CSMD1: variants seen among roughly 807,000 people sequenced by gnomAD.
CSMD1 encodes the protein CUB and Sushi multiple domains 1, also known as CUB and sushi domain-containing protein 1.
CSMD1 carries 213 observed loss-of-function variants against 417.5 expected under a neutral mutation model. The observed-to-expected ratio is 0.51, with a 90% CI of 0.46 to 0.57. The LOEUF is 0.57. Ranked by LOEUF, CSMD1 falls within the 20% of genes least tolerant of loss-of-function variation. CSMD1 has a pLI of 0.00. For synonymous variants in CSMD1, 2,862 were observed against 1,736.8 expected (o/e 1.65, Z -16.11); for missense variants, 6,923 against 4,529.7 (o/e 1.53, Z -15.17).
At chr8:3,974,127 T>C (rs1813260347) in intron 5 of CSMD1, among the ~76,000 whole-genome samples, 1 of 152,150 alleles carries the variant, frequency 6.6e-6, no homozygotes, top group Admixed American at 6.5e-5. Context: ...ACATAATAGG[T>C]AGTTTTGTGT....
chr8:3,926,154 G>T (rs114668965), intron 5 of CSMD1, among the ~76,000 whole-genome samples: 4,181 of 140,630 alleles, frequency 0.03, 252 homozygotes, highest in African/African-American at 0.1. Flanking sequence ...ATAGGTGGGG[G>T]TTTATGTATA....
chr8:3,162,846 C>G (rs1819982984), intron 37 of CSMD1, among the ~76,000 whole-genome samples: 1 of 152,130 alleles, frequency 6.6e-6, no homozygotes, highest in Non-Finnish European at 1.5e-5. Flanking sequence ...GAACCTAAAG[C>G]TGTAATCCTG....
chr8:4,075,022 C>T (rs908054931), intron 3 of CSMD1, among the ~76,000 whole-genome samples: 1 of 152,118 alleles, frequency 6.6e-6, no homozygotes, highest in African/African-American at 2.4e-5. Flanking sequence ...TCTTTACTCA[C>T]TGTAATAACC....
chr8:3,051,266 C>T (rs569835656), intron 50 of CSMD1, among the ~76,000 whole-genome samples: 34 of 152,276 alleles, frequency 2.2e-4, no homozygotes, highest in African/African-American at 7.9e-4. Context: ...ACTATGCAGC[C>T]ATAAAAACAG....
At chr8:3,522,705 C>T (rs1165712358) in intron 10 of CSMD1, among the ~76,000 whole-genome samples, 2 of 152,000 alleles carry the variant, frequency 1.3e-5, no homozygotes, top group African/African-American at 2.4e-5. Flanking sequence ...GGTACATTCA[C>T]ACCGATACTG....
intron 11 of CSMD1, among the ~76,000 whole-genome samples, chr8:3,476,791 A>C (rs73174861): frequency 0.16 from 24,497 of 151,756 alleles, 1,979 homozygotes; most frequent in East Asian, 0.22. Flanking sequence ...GGTGGCAGAC[A>C]TCTGTAATCC....
chr8:3,372,428 C>T (rs1331300400), intron 18 of CSMD1, among the ~76,000 whole-genome samples: 1 of 152,098 alleles, frequency 6.6e-6, no homozygotes, highest in Non-Finnish European at 1.5e-5. Flanking sequence ...TTTAGCCCTG[C>T]TCCTGAGGCT....
chr8:3,806,694 A>G (rs952465663), intron 5 of CSMD1, among the ~76,000 whole-genome samples: 1 of 152,214 alleles, frequency 6.6e-6, no homozygotes, highest in Non-Finnish European at 1.5e-5. Context: ...TCTTCAAAAC[A>G]ATCTAATGAG....
chr8:4,825,673 C>T (rs1476395452), intron 1 of CSMD1, among the ~76,000 whole-genome samples: 1 of 151,518 alleles, frequency 6.6e-6, no homozygotes, highest in Non-Finnish European at 1.5e-5. Context: ...AACAATCAAT[C>T]CAGTGAAAAG....
At chr8:4,918,533 GA>G (rs373188729) in intron 1 of CSMD1, among the ~76,000 whole-genome samples, 66 of 150,216 alleles carry the variant, frequency 4.4e-4, no homozygotes, top group African/African-American at 1.4e-3. Context: ...ATATAAATGT[GA>G]AAAAAAAAGC....
At chr8:4,033,293 T>C (rs1797449325) in intron 3 of CSMD1, among the ~76,000 whole-genome samples, 1 of 151,530 alleles carries the variant, frequency 6.6e-6, no homozygotes, top group Non-Finnish European at 1.5e-5. Flanking sequence ...ACAAAAAAAA[T>C]TAGCCGGGCG....
intron 7 of CSMD1, among the ~76,000 whole-genome samples, chr8:3,620,270 T>C (rs1213405465): frequency 6.8e-6 from 1 of 146,110 alleles, no homozygotes; most frequent in African/African-American, 2.8e-5. Context: ...CCAATGTATG[T>C]TCCCTACAAG....
intron 1 of CSMD1, among the ~76,000 whole-genome samples, chr8:4,669,970 G>C (rs1363929384): frequency 2.0e-5 from 3 of 152,160 alleles, no homozygotes. Context: ...GATTGGAGCT[G>C]CTGAGCTGAA....
At chr8:4,198,935 C>G (rs549770021) in intron 3 of CSMD1, among the ~76,000 whole-genome samples, 1 of 142,874 alleles carries the variant, frequency 7.0e-6, no homozygotes, top group Non-Finnish European at 1.5e-5. Flanking sequence ...TTTGTATTTC[C>G]GTGTGTGTAT....
At chr8:4,107,710 G>C (rs1318396951) in intron 3 of CSMD1, among the ~76,000 whole-genome samples, 1 of 152,062 alleles carries the variant, frequency 6.6e-6, no homozygotes, top group Non-Finnish European at 1.5e-5. Context: ...CAGCGCACAC[G>C]CTCCATCAGA....
chr8:4,033,835 T>C (rs560938688), intron 3 of CSMD1, among the ~76,000 whole-genome samples: 4 of 152,336 alleles, frequency 2.6e-5, no homozygotes, highest in Admixed American at 6.5e-5. Context: ...TCCACACTTA[T>C]AGAACATGAT....
intron 21 of CSMD1, among the ~76,000 whole-genome samples, chr8:3,351,007 G>C (rs1585038859): frequency 6.6e-6 from 1 of 152,106 alleles, no homozygotes; most frequent in South Asian, 2.1e-4. Flanking sequence ...AAAAATCAAG[G>C]CAAAAGCAAC....
rs191667366 is a variant in CSMD1 at position 3,647,933 on chromosome 8, G to A, written c.1010-31136C>T. On this transcript the variant is annotated intron_variant, in intron 7 of 69. Coordinates refer to ENST00000635120, the MANE Select transcript of CSMD1 (RefSeq NM_033225.6). ...ATTACTCTGTTTGTTTTGTTTGTAAGAGACATGTGCCACTTCATAAAGCAG... is the reference window on the plus strand; with the variant it reads ...ATTACTCTGTTTGTTTTGTTTGTAAAAGACATGTGCCACTTCATAAAGCAG... Among the ~76,000 whole-genome samples the A allele has an allele frequency of 4.6e-4, 70 of 152,342 alleles. 2 individuals are homozygous for A. The East Asian group carries it at 0.013, about 28-fold the overall frequency.
intron 12 of CSMD1, among the ~76,000 whole-genome samples, chr8:3,424,922 G>C (rs1043353344): frequency 6.6e-6 from 1 of 152,124 alleles, no homozygotes; most frequent in Non-Finnish European, 1.5e-5. Flanking sequence ...ATGATCTCAG[G>C]CTCCTGGGCT....
Sources: gnomAD v4.1 joint callset for allele counts (sites outside exome capture counted in the v4.1 genomes callset) on GRCh38, gnomAD v4.1.1 for gene constraint, MANE v1.5 for transcripts, NCBI Gene and HGNC (gene_info 2026-07-23, HGNC 2026-07-21) for gene names.